The following ST8SIA4 variants were observed in gnomAD, a reference collection of about 807,000 sequenced individuals.
The protein encoded by ST8SIA4 is ST8 alpha-N-acetyl-neuraminide alpha-2,8-sialyltransferase 4.
A neutral mutation model predicts 33.9 loss-of-function variants in ST8SIA4; 15 were observed. The ratio of observed to expected loss-of-function variants is 0.44; its 90% confidence interval spans 0.30 to 0.68. The LOEUF (loss-of-function observed/expected upper bound fraction) is 0.68, where lower values mean the gene tolerates loss of function less well. ST8SIA4 is among the 30% of genes least tolerant of loss of function. The pLI is 0.10. For synonymous variants in ST8SIA4, 171 were observed against 151.2 expected (o/e 1.13, Z -0.96); for missense variants, 321 against 428.0 (o/e 0.75, Z 2.21).
At chr5:100,862,147 T>C (rs963719044) in intron 3 of ST8SIA4, among the ~76,000 whole-genome samples, 11 of 152,160 alleles carry the variant, frequency 7.2e-5, no homozygotes, top group Admixed American at 5.2e-4. Context: ...GAGACTTGAA[T>C]GACTGATGGG....
intron 4 of ST8SIA4, among the ~76,000 whole-genome samples, chr5:100,817,154 A>C (rs1750943733): frequency 9.4e-6 from 1 of 105,934 alleles, no homozygotes; most frequent in African/African-American, 3.8e-5. Context: ...TTTTTGGTAG[A>C]GACTGGGTTT....
At chr5:100,826,593 G>A (rs557901022) in intron 4 of ST8SIA4, among the ~76,000 whole-genome samples, 2 of 152,096 alleles carry the variant, frequency 1.3e-5, no homozygotes, top group Admixed American at 1.3e-4. Context: ...GGATATGCAA[G>A]TTCTAAATTT....
intron 4 of ST8SIA4, among the ~76,000 whole-genome samples, chr5:100,832,935 G>A (rs190731445): frequency 8.1e-4 from 124 of 152,156 alleles, no homozygotes; most frequent in African/African-American, 2.8e-3. Flanking sequence ...TTTTAATGAA[G>A]TATCTCATGA....
chr5:100,876,844 T>C (rs746225079), intron 3 of ST8SIA4, among the ~76,000 whole-genome samples: 34 of 152,168 alleles, frequency 2.2e-4, no homozygotes, highest in South Asian at 1.0e-3. Context: ...AGCTTTAATT[T>C]ATTTTCCTAT....
chr5:100,878,505 T>G (rs910095759), intron 3 of ST8SIA4, among the ~76,000 whole-genome samples: 3 of 152,248 alleles, frequency 2.0e-5, no homozygotes, highest in Non-Finnish European at 2.9e-5. Context: ...GGCATTACTT[T>G]TGCTCATTTT....
chr5:100,902,985 C>G lies in ST8SIA4; in HGVS notation c.-30G>C, dbSNP rs750954699. The G allele has an allele frequency of 2.0e-6, 3 of 1,525,256 alleles. No individual in the cohort carries two copies. The highest frequency in any genetic ancestry group is 2.7e-6 in the Non-Finnish European group (3 of 1,099,202). The allele number at this position is 1,525,256 out of a possible 1,614,324, so 94.5% of individuals were successfully genotyped here. A position where few individuals can be genotyped will look rare whatever the true frequency, so the allele number is the denominator to read the frequency against. On this transcript the variant is annotated 5_prime_UTR_variant, in exon 1 of 5. Coordinates refer to ENST00000231461, the MANE Select transcript of ST8SIA4 (RefSeq NM_005668.6). ...GGTGCCCGAGAAAGTCCTGGTTGCC[C>G]CAGCTCCCGCACCTTCTCTTGATAT...
chr5:100,840,298 G>A (rs1036949393), intron 4 of ST8SIA4, among the ~76,000 whole-genome samples: 1 of 151,712 alleles, frequency 6.6e-6, no homozygotes, highest in African/African-American at 2.4e-5. Context: ...ACAGTTGTTT[G>A]ATGAAATATT....
At position 100,881,991 on chromosome 5, in the gene ST8SIA4, T is replaced by G. The variant is rs572092147; in HGVS notation, c.503+4352A>C. On this transcript the variant is annotated intron_variant, in intron 3 of 4. Coordinates refer to ENST00000231461, the MANE Select transcript of ST8SIA4 (RefSeq NM_005668.6). ...TCTTTATCAGCAGCTGAATACAAAC[T>G]AATACAGTAAATTAGTACCCGTAGA... 1.2e-4 allele frequency among the ~76,000 whole-genome samples: 19 copies of G among 152,236 alleles called. No homozygotes were observed. The South Asian group carries it at 3.5e-3, about 28-fold the overall frequency.
At chr5:100,896,795 C>A (rs1170713971) in intron 1 of ST8SIA4, among the ~76,000 whole-genome samples, 2 of 152,120 alleles carry the variant, frequency 1.3e-5, no homozygotes, top group Non-Finnish European at 2.9e-5. Context: ...TGTAAGTGCT[C>A]CTCCATCTGT....
chr5:100,900,131 C>CG (rs951011002), intron 1 of ST8SIA4, among the ~76,000 whole-genome samples: 12 of 152,010 alleles, frequency 7.9e-5, no homozygotes, highest in East Asian at 3.9e-4. Flanking sequence ...CCCCCATTTG[C>CG]GGGGGGGAAG....
At position 100,811,874 on chromosome 5, in the gene ST8SIA4, C is replaced by A; in HGVS notation, c.1053G>T (p.Leu351=). The change falls in exon 5 of 5, where the codon CTG becomes CTT. Residue 351 remains leucine (L), a synonymous_variant. Transcript: ENST00000231461. ...ATTGCTTTACACACTTTCCTGTTGTCAGTTTTAGAGCTCCTCTATTATGTA... is the reference window on the plus strand; with the variant it reads ...ATTGCTTTACACACTTTCCTGTTGTAAGTTTTAGAGCTCCTCTATTATGTA... ...NVLHNRGALK[L]TTGKCVKQ The A allele has an allele frequency of 1.9e-6, 3 of 1,612,288 alleles. No individual in the cohort carries two copies. In the South Asian group the frequency reaches 3.3e-5, roughly 18 times the overall value.
chr5:100,849,216 C>G, intron 4 of ST8SIA4: 1 of 985,154 alleles, frequency 1.0e-6, no homozygotes, highest in Non-Finnish European at 1.2e-6. Context: ...AAGTTCAGAA[C>G]CAGTGATTCT....
At chr5:100,878,684 A>T (rs1752354358) in intron 3 of ST8SIA4, among the ~76,000 whole-genome samples, 1 of 152,206 alleles carries the variant, frequency 6.6e-6, no homozygotes, top group African/African-American at 2.4e-5. Context: ...ACAATTAAAC[A>T]CTGTAGAATA....
intron 3 of ST8SIA4, among the ~76,000 whole-genome samples, chr5:100,880,096 A>G (rs1375267449): frequency 6.6e-6 from 1 of 151,712 alleles, no homozygotes; most frequent in South Asian, 2.1e-4. Flanking sequence ...TCTCTCCTTT[A>G]CTTCCTTCCT....
At chr5:100,845,349 ATTTAAC>A (rs966765138) in intron 4 of ST8SIA4, among the ~76,000 whole-genome samples, 2 of 151,798 alleles carry the variant, frequency 1.3e-5, no homozygotes, top group African/African-American at 4.8e-5. Context: ...TTATATTTGC[ATTTAAC>A]TTTAAACTCC....
chr5:100,809,775 T>C lies in ST8SIA4; in HGVS notation c.*2072A>G, dbSNP rs1185447925. 1 of 152,214 alleles carries C rather than the reference T, an allele frequency of 6.6e-6. No individual in the cohort carries two copies. Among genetic ancestry groups the C allele is most frequent in the East Asian group, 1.9e-4 (1 of 5,198 alleles). The allele number at this position is 152,214 out of a possible 1,614,324, so 9.4% of individuals were successfully genotyped here. ...TAAGAGGTTTAATTATAAAAGTACA[T>C]TAATGTTCCATTCATTTTTAGCTAT... On this transcript the variant is annotated 3_prime_UTR_variant, in exon 5 of 5. Coordinates refer to ENST00000231461, the MANE Select transcript of ST8SIA4 (RefSeq NM_005668.6).
chr5:100,807,084 C>G lies in ST8SIA4; in HGVS notation c.*4763G>C, dbSNP rs1750711369. ...ATAAATGGTTTGCCTAATTGCCAAC[C>G]ACTAGGGCTAAGGGGAGTGGAAAAG... On this transcript the variant is annotated 3_prime_UTR_variant, in exon 5 of 5. Transcript: ENST00000231461. 2 of 152,002 alleles carry G rather than the reference C, an allele frequency of 1.3e-5. No individual in the cohort carries two copies. The highest frequency in any genetic ancestry group is 1.3e-4 in the Admixed American group (2 of 15,268). 9.4% of individuals were successfully genotyped at this position (152,002 alleles called of 1,614,324 possible).
chr5:100,902,947 G>A lies in ST8SIA4; in HGVS notation c.9C>T (p.Ser3=). The A allele has an allele frequency of 3.7e-6, 6 of 1,614,020 alleles. No individual in the cohort carries two copies. The highest frequency in any genetic ancestry group is 5.1e-6 in the Non-Finnish European group (6 of 1,179,906). MR[S]IRKRWTICTI... is the part of the protein sequence containing the mutation. ...TGCAGATCGTCCACCTCTTCCTAAT[G>A]GAGCGCATCTTGGGTGCCCGAGAAA... The change falls in exon 1 of 5, where the codon TCC becomes TCT. Residue 3 remains serine (S), a synonymous_variant. Transcript: ENST00000231461.
chr5:100,813,310 C>A (rs1750850944), intron 4 of ST8SIA4, among the ~76,000 whole-genome samples: 1 of 151,946 alleles, frequency 6.6e-6, no homozygotes. Flanking sequence ...GGAAAATATA[C>A]CTGGCCATCA....
Sources: allele counts gnomAD v4.1 joint callset (sites outside exome capture counted in the v4.1 genomes callset), GRCh38; gene constraint gnomAD v4.1.1; transcripts MANE v1.5; gene names NCBI Gene and HGNC (gene_info 2026-07-23, HGNC 2026-07-21).